SVEP1: variants seen among roughly 807,000 people sequenced by gnomAD.
SVEP1 encodes sushi, von Willebrand factor type A, EGF and pentraxin domain-containing protein 1.
A neutral mutation model predicts 367.3 loss-of-function variants in SVEP1; 164 were observed. The ratio of observed to expected loss-of-function variants is 0.45; its 90% CI spans 0.39 to 0.51. SVEP1 has a LOEUF of 0.51. SVEP1 is among the 20% of genes least tolerant of loss of function. The pLI is 0.00. For missense variants in SVEP1, 4,117 were observed against 4,425.3 expected (o/e 0.93, Z 1.98); for synonymous variants, 1,666 against 1,611.6 (o/e 1.03, Z -0.81).
intron 3 of SVEP1, among the ~76,000 whole-genome samples, chr9:110,530,673 A>C (rs575238195): frequency 6.6e-6 from 1 of 152,152 alleles, no homozygotes; most frequent in South Asian, 2.1e-4. Flanking sequence ...TTTAGCTGGG[A>C]CCACAGATGC....
intron 8 of SVEP1, among the ~76,000 whole-genome samples, 184 bp downstream of exon 8, chr9:110,496,631 T>C (rs1227344169): frequency 1.3e-5 from 2 of 152,240 alleles, no homozygotes; most frequent in Admixed American, 1.3e-4. Flanking sequence ...CACCTTGTGA[T>C]GGTGTGAGTC....
chr9:110,409,743 TA>T (rs1329732361), intron 37 of SVEP1, among the ~76,000 whole-genome samples: 1 of 152,210 alleles, frequency 6.6e-6, no homozygotes, highest in Non-Finnish European at 1.5e-5. Flanking sequence ...ACATATTTCT[TA>T]AAAATTACTG....
At position 110,406,759 on chromosome 9, in the gene SVEP1, G is replaced by A; in HGVS notation, c.8841C>T (p.Val2947=). The A allele has an allele frequency of 6.2e-7, 1 of 1,614,016 alleles. No individual in the cohort carries two copies. Among genetic ancestry groups the A allele is most frequent in the Admixed American group, 1.7e-5 (1 of 60,028 alleles). The change falls in exon 38 of 48, where the codon GTC becomes GTT. Residue 2947 remains valine, a synonymous_variant. Transcript: ENST00000374469. ...CAAGATCTTCAGGAGGTCCACAGTTGACTGGTTTACAGAGAGGAATCTCTG... is the reference window on the plus strand; with the variant it reads ...CAAGATCTTCAGGAGGTCCACAGTTAACTGGTTTACAGAGAGGAATCTCTG... ...WDAEIPLCKP[V]NCGPPEDLAH...
At chr9:110,578,648 C>T (rs1830654016) in intron 1 of SVEP1, among the ~76,000 whole-genome samples, 1 of 152,164 alleles carries the variant, frequency 6.6e-6, no homozygotes, top group African/African-American at 2.4e-5. Flanking sequence ...AGGTTTATAT[C>T]ACTCCATGTC....
At position 110,379,377 on chromosome 9, in the gene SVEP1, C is replaced by T. The variant is rs914954533; in HGVS notation, c.10378G>A (p.Gly3460Arg). 6.2e-7 allele frequency: 1 copy of T among 1,613,656 alleles called. No homozygotes were observed. Among genetic ancestry groups the T allele is most frequent in the African/African-American group, 1.3e-5 (1 of 75,016 alleles). ...GFLRSVCLEN[G>R]TWTSPPICRA... Reference sequence around the variant, plus strand: ...CAAATAGGAGGTGATGTCCATGTTCCATTTTCTAAACAAACACTCCTCAGG... The same window carrying T: ...CAAATAGGAGGTGATGTCCATGTTCTATTTTCTAAACAAACACTCCTCAGG... Residue 3460 changes from glycine to arginine, a missense_variant, in exon 44 of 48, where the codon GGA becomes AGA. This residue lies in a region of SVEP1 where 1,765 missense variants were observed against 1,781.1 expected (regional missense o/e 0.99). Transcript: ENST00000374469.
intron 43 of SVEP1, among the ~76,000 whole-genome samples, chr9:110,384,315 T>G (rs1456691469): frequency 7.0e-6 from 1 of 142,584 alleles, no homozygotes; most frequent in African/African-American, 2.5e-5. Flanking sequence ...TGGGCCGTTG[T>G]ACCACCTTGC....
rs1160190840 is a variant in SVEP1, at chr9:110,406,395, T to C, written c.9205A>G (p.Met3069Val). Residue 3069 changes from methionine to valine, a missense_variant, in exon 38 of 48, where the codon ATG becomes GTG. Physicochemically the swap from Met to Val is conservative, Grantham distance 21. Around this residue, in one of 4 missense-constraint regions of SVEP1, gnomAD observed 1,765 missense variants for 1,781.1 expected, o/e 0.99. Transcript: ENST00000374469. ...CEHTSCGSLPMIPNAFISETS... is the reference protein window; with the variant it reads ...CEHTSCGSLPVIPNAFISETS... ...TCACTGATGAACGCATTTGGTATCATTGGAAGAGAACCACAAGAAGTGTGT... is the reference window on the plus strand; with the variant it reads ...TCACTGATGAACGCATTTGGTATCACTGGAAGAGAACCACAAGAAGTGTGT... The C allele has an allele frequency of 2.5e-6, 4 of 1,613,924 alleles. No homozygotes were observed. Among genetic ancestry groups the C allele is most frequent in the South Asian group, 2.2e-5 (2 of 91,094 alleles).
rs747046541 is a variant in SVEP1, at chr9:110,514,136, G to A, written c.965-30C>T. 20 of 1,598,538 alleles carry A rather than the reference G, an allele frequency of 1.3e-5. No homozygotes were observed. The South Asian group carries it at 2.3e-4, about 18-fold the overall frequency. On this transcript the variant is annotated intron_variant, in intron 3 of 47. Coordinates refer to ENST00000374469, the MANE Select transcript of SVEP1 (RefSeq NM_153366.4). Reference sequence around the variant, plus strand: ...GGGCAGACAAGCCGGAGAAGTCCATGTTATGTGGCACATCAGCTGGTAGTT... The same window carrying A: ...GGGCAGACAAGCCGGAGAAGTCCATATTATGTGGCACATCAGCTGGTAGTT...
At chr9:110,467,306 T>C (rs1244577174) in intron 17 of SVEP1, among the ~76,000 whole-genome samples, 2 of 152,246 alleles carry the variant, frequency 1.3e-5, no homozygotes, top group African/African-American at 4.8e-5. Flanking sequence ...CCAAGTAAAC[T>C]GAGAACTGAT....
At chr9:110,480,876 C>G (rs1308976112) in intron 12 of SVEP1, among the ~76,000 whole-genome samples, 3 of 151,986 alleles carry the variant, frequency 2.0e-5, no homozygotes, top group African/African-American at 7.2e-5. Context: ...CCCGCCTCAG[C>G]CTTCCAAAAT....
At chr9:110,434,562 C>G (rs1828403136) in intron 29 of SVEP1, 56 bp from the exon 30 acceptor site, 1 of 1,492,804 alleles carries the variant, frequency 6.7e-7, no homozygotes, top group African/African-American at 1.4e-5. Flanking sequence ...GTAGCATCAC[C>G]AAGTCAATGA....
intron 1 of SVEP1, among the ~76,000 whole-genome samples, chr9:110,576,467 A>G (rs951851485): frequency 6.6e-6 from 1 of 152,198 alleles, no homozygotes; most frequent in African/African-American, 2.4e-5. Flanking sequence ...ACAACTGAAT[A>G]AAGTCAAGGA....
chr9:110,432,609 AAGG>A lies in SVEP1; in HGVS notation c.5083_5085del (p.Pro1695del). ...TCGGCTGAATGGAAGCCATTCTCCA[AAGG>A]AGGTGGCACCCCACAGCTAATGCCT... On this transcript the variant is annotated inframe_deletion, in exon 31 of 48. Coordinates refer to ENST00000374469, the MANE Select transcript of SVEP1 (RefSeq NM_153366.4). The A allele has an allele frequency of 2.5e-6, 4 of 1,613,330 alleles. No homozygotes were observed. Among genetic ancestry groups the A allele is most frequent in the Non-Finnish European group, 3.4e-6 (4 of 1,179,582 alleles).
intron 22 of SVEP1, among the ~76,000 whole-genome samples, chr9:110,455,035 T>C (rs1828757195): frequency 6.6e-6 from 1 of 152,136 alleles, no homozygotes; most frequent in Non-Finnish European, 1.5e-5. Flanking sequence ...TAAATATGTA[T>C]TTATTTAAGT....
At chr9:110,562,693 T>C (rs1830447104) in intron 1 of SVEP1, among the ~76,000 whole-genome samples, 1 of 151,956 alleles carries the variant, frequency 6.6e-6, no homozygotes, top group Non-Finnish European at 1.5e-5. Context: ...TTTTTATTAT[T>C]ATTATTATTT....
At chr9:110,442,439 G>A (rs916581103) in intron 27 of SVEP1, 1 of 151,104 alleles carries the variant, frequency 6.6e-6, no homozygotes, top group Admixed American at 6.6e-5. Context: ...ACAATACATG[G>A]ACAATAATTT....
intron 31 of SVEP1, 94 bp downstream of exon 31, chr9:110,432,368 C>T (rs573833584): frequency 6.9e-7 from 1 of 1,458,536 alleles, no homozygotes; most frequent in East Asian, 2.3e-5. Context: ...ATAAAGTTAA[C>T]AAAGCAATGC....
chr9:110,394,666 T>A (rs1219785849), intron 40 of SVEP1, among the ~76,000 whole-genome samples: 1 of 152,154 alleles, frequency 6.6e-6, no homozygotes, highest in African/African-American at 2.4e-5. Flanking sequence ...AAGGACCTGA[T>A]GGAGCTGAAA....
chr9:110,526,087 G>C (rs184004848), intron 3 of SVEP1, among the ~76,000 whole-genome samples: 10 of 151,988 alleles, frequency 6.6e-5, no homozygotes, highest in African/African-American at 2.4e-4. Flanking sequence ...AACACTTTTC[G>C]AAACATAGGA....
Sources: gnomAD v4.1 joint callset for allele counts (sites outside exome capture counted in the v4.1 genomes callset) on GRCh38, gnomAD v4.1.1 for gene constraint, gnomAD v4.1.1 regional missense constraint, MANE v1.5 for transcripts, NCBI Gene and HGNC (gene_info 2026-07-23, HGNC 2026-07-21) for gene names.